The following PPP1R37 variants were observed in gnomAD, a reference collection of about 807,000 sequenced individuals.
The protein encoded by PPP1R37 is leucine rich repeat containing 68.
In PPP1R37, 21 loss-of-function variants were observed where a neutral mutation model predicts 61.0. The observed-to-expected ratio is 0.34, with a 90% CI of 0.24 to 0.50. The LOEUF (loss-of-function observed/expected upper bound fraction) is 0.50, where lower values mean the gene tolerates loss of function less well. PPP1R37 is among the 20% of genes least tolerant of loss of function. The pLI is 0.98. For missense variants in PPP1R37, 910 were observed against 952.7 expected, an observed-to-expected ratio of 0.96 and a Z score of 0.59; for synonymous variants, 443 against 433.5, an observed-to-expected ratio of 1.02 and a Z score of -0.27.
rs1968684255 is a variant in PPP1R37 at position 45,145,661 on chromosome 19, G to A, written c.1605G>A (p.Thr535=). ...ETPCPALVPP[T]DSLGPGDRSP... ...CCTGTCCTGCCCTGGTGCCCCCCAC[G>A]GACTCCCTGGGCCCTGGGGACAGGA... The change falls in exon 11 of 13, where the codon ACG becomes ACA. Residue 535 remains threonine, a synonymous_variant. Coordinates refer to ENST00000221462, the MANE Select transcript of PPP1R37 (RefSeq NM_019121.2). 5 of 1,535,334 alleles carry A rather than the reference G, an allele frequency of 3.3e-6. No homozygotes were observed. Among genetic ancestry groups the A allele is most frequent in the South Asian group, 2.4e-5 (2 of 83,980 alleles).
intron 2 of PPP1R37, among the ~76,000 whole-genome samples, chr19:45,138,840 G>A (rs935716520): frequency 7.9e-5 from 12 of 151,388 alleles, no homozygotes; most frequent in Admixed American, 5.9e-4. Context: ...CAAAAGAAAC[G>A]CTGTTCCCTG....
chr19:45,146,029 G>A lies in PPP1R37; in HGVS notation c.1973G>A (p.Gly658Asp). The A allele has an allele frequency of 1.3e-6, 2 of 1,531,326 alleles. No homozygotes were observed. Among genetic ancestry groups the A allele is most frequent in the Non-Finnish European group, 1.7e-6 (2 of 1,144,230 alleles). The allele number at this position is 1,531,326 out of a possible 1,614,324, so 94.9% of individuals were successfully genotyped here. A position where few individuals can be genotyped will look rare whatever the true frequency, so the allele number is the denominator to read the frequency against. ...CCCCCGGGGCCTGAGGTCAAGGGGG[G>A]CAGCTGCGGCCTGGAGCACGGTGAG... Reference protein sequence around the residue: ...EPPPGPEVKGGSCGLEHELSC... With the variant: ...EPPPGPEVKGDSCGLEHELSC... Residue 658 changes from glycine (G) to aspartate (D), a missense_variant, in exon 11 of 13, where the codon GGC becomes GAC. Gly to Asp is a moderately conservative substitution (Grantham distance 94, BLOSUM62 -1). Around this residue, in one of 3 missense-constraint regions of PPP1R37, gnomAD observed 549 missense variants for 505.1 expected, o/e 1.09. Coordinates refer to ENST00000221462, the MANE Select transcript of PPP1R37 (RefSeq NM_019121.2).
chr19:45,125,662 C>T (rs1416972603), intron 1 of PPP1R37, among the ~76,000 whole-genome samples: 1 of 152,214 alleles, frequency 6.6e-6, no homozygotes, highest in Non-Finnish European at 1.5e-5. Context: ...CTGTAACCTT[C>T]CTGTCCCTGA....
intron 1 of PPP1R37, among the ~76,000 whole-genome samples, chr19:45,118,037 G>A (rs1968292976): frequency 6.6e-6 from 1 of 152,206 alleles, no homozygotes; most frequent in South Asian, 2.1e-4. Context: ...CACCACCAGC[G>A]TCCCTTCATT....
intron 1 of PPP1R37, among the ~76,000 whole-genome samples, chr19:45,106,135 G>A (rs1351095271): frequency 6.6e-6 from 1 of 152,218 alleles, no homozygotes; most frequent in Non-Finnish European, 1.5e-5. Context: ...TCATCTCAGG[G>A]GTAGAGGGGT....
chr19:45,095,000 T>C (rs530590544), intron 1 of PPP1R37, among the ~76,000 whole-genome samples: 2 of 152,122 alleles, frequency 1.3e-5, no homozygotes, highest in Admixed American at 1.3e-4. Context: ...GTGGAGCCCA[T>C]GAAGTGAGGG....
Position 45,093,642 on chromosome 19 carries a change from A to G in PPP1R37, c.202+115A>G, listed in dbSNP as rs1253974093. On this transcript the variant is annotated intron_variant, in intron 1 of 12. Transcript: ENST00000221462. ...AATAGATTGCACCTAATGGTGAATAAGGGGACAGTCGTCAGTTTAGAACCG... is the reference window on the plus strand; with the variant it reads ...AATAGATTGCACCTAATGGTGAATAGGGGGACAGTCGTCAGTTTAGAACCG... 2.8e-5 allele frequency: 20 copies of G among 708,198 alleles called. 1 individual carries two copies. The East Asian group carries it at 5.9e-4, about 21-fold the overall frequency. The allele number at this position is 708,198 out of a possible 1,614,324, so 43.9% of individuals were successfully genotyped here. A position where few individuals can be genotyped will look rare whatever the true frequency, so the allele number is the denominator to read the frequency against.
At chr19:45,098,106 C>A (rs2122705443) in intron 1 of PPP1R37, among the ~76,000 whole-genome samples, 1 of 152,308 alleles carries the variant, frequency 6.6e-6, no homozygotes, top group Middle Eastern at 3.4e-3. Flanking sequence ...CAGCAAGCCA[C>A]AGCCAGGTGT....
In PPP1R37 at chr19:45,145,610, A is replaced by G; in HGVS notation, c.1554A>G (p.Glu518=). 1 of 1,536,036 alleles carries G rather than the reference A, an allele frequency of 6.5e-7. No homozygotes were observed. The highest frequency in any genetic ancestry group is 1.2e-5 in the South Asian group (1 of 84,060). ...DSDSDGEEEE[E]EEGERDETPC... Reference sequence around the variant, plus strand: ...ACTCGGATGGGGAGGAAGAGGAGGAAGAGGAAGGGGAGAGGGACGAGACCC... The same window carrying G: ...ACTCGGATGGGGAGGAAGAGGAGGAGGAGGAAGGGGAGAGGGACGAGACCC... The change falls in exon 11 of 13, where the codon GAA becomes GAG. Residue 518 remains glutamate, a synonymous_variant. Transcript: ENST00000221462.
chr19:45,127,413 T>C (rs1210660275), intron 1 of PPP1R37, among the ~76,000 whole-genome samples: 1 of 147,856 alleles, frequency 6.8e-6, no homozygotes, highest in Non-Finnish European at 1.5e-5. Context: ...CTGGGCTACC[T>C]GGAATAGTCT....
At chr19:45,135,177 G>A (rs1454437097) in intron 1 of PPP1R37, among the ~76,000 whole-genome samples, 1 of 152,196 alleles carries the variant, frequency 6.6e-6, no homozygotes, top group East Asian at 1.9e-4. Flanking sequence ...GAACCAGGGA[G>A]GTAGAGGTTG....
At chr19:45,136,804 T>C (rs1435426080) in intron 1 of PPP1R37, 7 of 152,020 alleles carry the variant, frequency 4.6e-5, no homozygotes, top group South Asian at 2.1e-4. Flanking sequence ...AGTCCCAGGG[T>C]CTGATGTTAG....
intron 1 of PPP1R37, among the ~76,000 whole-genome samples, chr19:45,109,280 C>T (rs986667506): frequency 6.6e-6 from 1 of 152,196 alleles, no homozygotes; most frequent in South Asian, 2.1e-4. Flanking sequence ...GCACTTTCTC[C>T]TCTGCTATTT....
intron 1 of PPP1R37, among the ~76,000 whole-genome samples, chr19:45,137,615 G>A (rs568301240): frequency 2.6e-5 from 4 of 152,170 alleles, no homozygotes; most frequent in Non-Finnish European, 5.9e-5. Context: ...GCGTCAAGGG[G>A]CCGGGCCCTG....
In PPP1R37 at chr19:45,142,285, C is replaced by T. The variant is rs1327089367; in HGVS notation, c.719-18C>T. 3.9e-6 allele frequency: 6 copies of T among 1,535,242 alleles called. No individual in the cohort carries two copies. The Admixed American group carries it at 7.9e-5, about 20-fold the overall frequency. On this transcript the variant is annotated intron_variant, in intron 6 of 12. Transcript: ENST00000221462. The stretch of plus-strand genomic sequence containing the variant: ...GGCAGGGGCCTGCCCAGTCACCGTG[C>T]CCCCTCCCCGTCCCCAGCCACGGCC...
At chr19:45,110,076 C>A (rs1202367284) in intron 1 of PPP1R37, among the ~76,000 whole-genome samples, 1 of 151,792 alleles carries the variant, frequency 6.6e-6, no homozygotes, top group African/African-American at 2.4e-5. Flanking sequence ...ATAGAATAGA[C>A]AACAATAAAT....
At chr19:45,111,339 A>G (rs1466437044) in intron 1 of PPP1R37, among the ~76,000 whole-genome samples, 1 of 151,862 alleles carries the variant, frequency 6.6e-6, no homozygotes, top group Non-Finnish European at 1.5e-5. Flanking sequence ...CAGTGGTGCA[A>G]TCTCGGCTCA....
At position 45,145,560 on chromosome 19, in the gene PPP1R37, A is replaced by G; in HGVS notation, c.1504A>G (p.Ser502Gly). ...VQNGAPSPAP[S>G]PDSDSDSDSD... ...GAACGGGGCCCCCAGCCCCGCACCC[A>G]GCCCGGACTCAGACTCAGACTCGGA... is the stretch of plus-strand genomic sequence containing the variant. The change falls in exon 11 of 13, where the codon AGC (serine) becomes GGC (glycine). Residue 502 changes from serine (S) to glycine (G), a missense_variant. By Grantham distance (56) the Ser-to-Gly change is moderately conservative (BLOSUM62 0). This residue lies in a region of PPP1R37 where 549 missense variants were observed against 505.1 expected (regional missense o/e 1.09). Transcript: ENST00000221462. 3.3e-6 allele frequency: 5 copies of G among 1,535,314 alleles called. No homozygotes were observed. The highest frequency in any genetic ancestry group is 3.5e-6 in the Non-Finnish European group (4 of 1,146,592).
At chr19:45,133,242 C>T (rs1394144027) in intron 1 of PPP1R37, among the ~76,000 whole-genome samples, 1 of 152,184 alleles carries the variant, frequency 6.6e-6, no homozygotes. Context: ...CGCCACAACA[C>T]CCAGCTAATT....
Sources: allele counts gnomAD v4.1 joint callset (sites outside exome capture counted in the v4.1 genomes callset), GRCh38; gene constraint gnomAD v4.1.1; regional missense constraint gnomAD v4.1.1; transcripts MANE v1.5; gene names NCBI Gene and HGNC (gene_info 2026-07-23, HGNC 2026-07-21).